CCBE1: variants seen among roughly 807,000 people sequenced by gnomAD.
CCBE1 encodes the protein collagen and calcium-binding EGF domain-containing protein 1.
Under a neutral mutation model 50.0 loss-of-function variants are expected in CCBE1, and 37 were observed. That is an observed-to-expected ratio of 0.74 (90% CI 0.57 to 0.97). CCBE1 has a LOEUF of 0.97. Ranked by LOEUF, CCBE1 falls within the 50% of genes least tolerant of loss-of-function variation. The pLI is 0.00. For synonymous variants in CCBE1, 234 were observed against 203.7 expected (o/e 1.15, Z -1.27); for missense variants, 538 against 523.8 (o/e 1.03, Z -0.26).
chr18:59,468,394 T>C (rs748155013), intron 4 of CCBE1, among the ~76,000 whole-genome samples: 1 of 151,648 alleles, frequency 6.6e-6, no homozygotes, highest in Non-Finnish European at 1.5e-5. Context: ...CAAAAATAAA[T>C]GCATAAAGAA....
At chr18:59,635,311 AGAG>A (rs1283931359) in intron 2 of CCBE1, among the ~76,000 whole-genome samples, 1 of 151,680 alleles carries the variant, frequency 6.6e-6, no homozygotes, top group East Asian at 1.9e-4. Flanking sequence ...GCAAACAAAA[AGAG>A]AAAGTAAAGT....
chr18:59,676,634 C>T (rs966085312), intron 2 of CCBE1, among the ~76,000 whole-genome samples: 1 of 152,114 alleles, frequency 6.6e-6, no homozygotes, highest in Admixed American at 6.6e-5. Flanking sequence ...ACGGGGCATA[C>T]AAAAATGAGA....
At chr18:59,557,508 CA>C (rs557200364) in intron 2 of CCBE1, among the ~76,000 whole-genome samples, 154 of 152,270 alleles carry the variant, frequency 1.0e-3, no homozygotes, top group Admixed American at 1.2e-3. Context: ...ACTCCCTTTG[CA>C]ATCCCCCCAT....
intron 2 of CCBE1, among the ~76,000 whole-genome samples, chr18:59,540,815 A>G (rs573581137): frequency 1.3e-5 from 2 of 152,184 alleles, no homozygotes; most frequent in Non-Finnish European, 2.9e-5. Context: ...GAACCGGTAA[A>G]CCCTGAAATA....
intron 2 of CCBE1, among the ~76,000 whole-genome samples, chr18:59,571,524 G>A (rs2144486800): frequency 6.8e-6 from 1 of 146,622 alleles, no homozygotes; most frequent in Middle Eastern, 3.5e-3. Flanking sequence ...TATATCTAAT[G>A]TAAATGATGA....
Position 59,433,570 on chromosome 18 carries a change from G to C in CCBE1, c.*2338C>G, listed in dbSNP as rs1000458412. ...GCCCCTTCCTAACATTCTTAAGGAA[G>C]AAGACTGAAAGGTGGCATTCAAACA... is the stretch of plus-strand genomic sequence containing the variant. On this transcript the variant is annotated 3_prime_UTR_variant, in exon 11 of 11. Coordinates refer to ENST00000439986, the MANE Select transcript of CCBE1 (RefSeq NM_133459.4). The C allele has an allele frequency of 6.6e-6, 1 of 151,524 alleles. No homozygotes were observed. Among genetic ancestry groups the C allele is most frequent in the African/African-American group, 2.4e-5 (1 of 41,198 alleles). 9.4% of individuals were successfully genotyped at this position (151,524 alleles called of 1,614,324 possible).
chr18:59,456,955 A>C (rs1452255250), intron 5 of CCBE1, among the ~76,000 whole-genome samples: 1 of 152,182 alleles, frequency 6.6e-6, no homozygotes, highest in Non-Finnish European at 1.5e-5. Flanking sequence ...CACCCGAGCT[A>C]GGTACACATT....
chr18:59,491,399 C>A (rs1188239857), intron 2 of CCBE1, among the ~76,000 whole-genome samples: 1 of 152,190 alleles, frequency 6.6e-6, no homozygotes, highest in African/African-American at 2.4e-5. Context: ...CCCTCCTAAG[C>A]TGCAAATGTG....
chr18:59,580,438 C>A (rs2053066915), intron 2 of CCBE1, among the ~76,000 whole-genome samples: 1 of 152,218 alleles, frequency 6.6e-6, no homozygotes, highest in African/African-American at 2.4e-5. Flanking sequence ...GCTCTGACCA[C>A]CTGGAGCACA....
chr18:59,645,354 A>T (rs9951354), intron 2 of CCBE1, among the ~76,000 whole-genome samples: 1 of 152,252 alleles, frequency 6.6e-6, no homozygotes, highest in East Asian at 1.9e-4. Context: ...CATTGGATAC[A>T]TTCAGTGTGA....
intron 2 of CCBE1, among the ~76,000 whole-genome samples, chr18:59,486,029 G>T (rs1365918053): frequency 5.3e-5 from 8 of 152,156 alleles, no homozygotes; most frequent in Middle Eastern, 3.4e-3. Context: ...TAGAATTTTG[G>T]CTCTGACATT....
At chr18:59,626,788 C>T (rs563731665) in intron 2 of CCBE1, among the ~76,000 whole-genome samples, 1 of 151,980 alleles carries the variant, frequency 6.6e-6, no homozygotes, top group Non-Finnish European at 1.5e-5. Flanking sequence ...CCTCAAAGAG[C>T]CCTGTGAGAT....
At chr18:59,681,163 T>C (rs1025428311) in intron 2 of CCBE1, among the ~76,000 whole-genome samples, 1 of 151,914 alleles carries the variant, frequency 6.6e-6, no homozygotes, top group Admixed American at 6.6e-5. Flanking sequence ...GAGCCAAATA[T>C]GGAACCAGAA....
At chr18:59,595,249 A>T (rs1440929496) in intron 2 of CCBE1, among the ~76,000 whole-genome samples, 1 of 148,016 alleles carries the variant, frequency 6.8e-6, no homozygotes, top group African/African-American at 2.5e-5. Flanking sequence ...CTTGACAAGG[A>T]CCTATCCTTC....
At chr18:59,461,814 C>T (rs973509938) in intron 5 of CCBE1, among the ~76,000 whole-genome samples, 1 of 143,588 alleles carries the variant, frequency 7.0e-6, no homozygotes, top group Non-Finnish European at 1.5e-5. Context: ...CTCACTGCAA[C>T]CTCAGCCTCC....
chr18:59,543,834 C>CAAAAAAAAAAAAAAAAAAAAAAAA (rs10678902), intron 2 of CCBE1, among the ~76,000 whole-genome samples: 12 of 68,996 alleles, frequency 1.7e-4, no homozygotes, highest in African/African-American at 8.0e-4. Flanking sequence ...GACTCCGTCT[C>CAAAAAAAAAAAAAAAAAAAAAAAA]AAAAAAAAAA....
At chr18:59,476,075 T>C (rs1912291577) in intron 3 of CCBE1, among the ~76,000 whole-genome samples, 1 of 152,176 alleles carries the variant, frequency 6.6e-6, no homozygotes, top group Non-Finnish European at 1.5e-5. Context: ...AGGAAGTATG[T>C]AGCTTTAGGG....
At position 59,586,641 on chromosome 18, in the gene CCBE1, A is replaced by G. The variant is rs746907526; in HGVS notation, c.213-106403T>C. On this transcript the variant is annotated intron_variant, in intron 2 of 10. Coordinates refer to ENST00000439986, the MANE Select transcript of CCBE1 (RefSeq NM_133459.4). ...CGATGGGAAAGAAAAGTTGGCCAGC[A>G]CTGCAAGGGAGCTCAGCATCCAGAA... is the stretch of plus-strand genomic sequence containing the variant. Among the ~76,000 whole-genome samples the G allele has an allele frequency of 3.5e-4, 53 of 152,340 alleles. 1 individual carries two copies. Among genetic ancestry groups the G allele is most frequent in the Middle Eastern group, 6.8e-3 (2 of 294 alleles).
At position 59,433,252 on chromosome 18, in the gene CCBE1, C is replaced by T. The variant is rs1910005017; in HGVS notation, c.*2656G>A. 7.2e-6 allele frequency: 1 copy of T among 138,044 alleles called. No individual in the cohort carries two copies. Among genetic ancestry groups the T allele is most frequent in the Non-Finnish European group, 1.5e-5 (1 of 65,112 alleles). The allele number at this position is 138,044 out of a possible 1,614,324, so 8.6% of individuals were successfully genotyped here. Reference sequence around the variant, plus strand: ...TTACTGCCCTTCTAGGGGAAAGTGCCACATTTAATAAAACTTATTTTTTTT... The same window carrying T: ...TTACTGCCCTTCTAGGGGAAAGTGCTACATTTAATAAAACTTATTTTTTTT... On this transcript the variant is annotated 3_prime_UTR_variant, in exon 11 of 11. Transcript: ENST00000439986.
Sources: gnomAD v4.1 joint callset for allele counts (sites outside exome capture counted in the v4.1 genomes callset) on GRCh38, gnomAD v4.1.1 for gene constraint, MANE v1.5 for transcripts, NCBI Gene and HGNC (gene_info 2026-07-23, HGNC 2026-07-21) for gene names.